Variants in CNNM4 observed in about 807,000 individuals in gnomAD.
The protein encoded by CNNM4 is metal transporter CNNM4.
A neutral mutation model predicts 53.7 loss-of-function variants in CNNM4; 32 were observed. The ratio of observed to expected loss-of-function variants is 0.60; its 90% CI spans 0.45 to 0.80. The LOEUF (loss-of-function observed/expected upper bound fraction) is 0.80, where lower values mean the gene tolerates loss of function less well. CNNM4 is among the 30% of genes least tolerant of loss of function. The pLI is 0.00. For missense variants in CNNM4, 784 were observed against 1,022.0 expected, an observed-to-expected ratio of 0.77 and a Z score of 3.17; for synonymous variants, 410 against 440.0, an observed-to-expected ratio of 0.93 and a Z score of 0.85.
At chr2:96,790,003 A>ATTTT (rs1014369887) in intron 1 of CNNM4, among the ~76,000 whole-genome samples, 2 of 61,722 alleles carry the variant, frequency 3.2e-5, no homozygotes, top group Non-Finnish European at 6.0e-5. Flanking sequence ...CCGGGCTAGA[A>ATTTT]TTTTTTTTTT....
At position 96,766,144 on chromosome 2, in the gene CNNM4, G is replaced by A. The variant is rs368637610; in HGVS notation, c.1402+3743G>A. 4.1e-3 allele frequency among the ~76,000 whole-genome samples: 584 copies of A among 140,736 alleles called. 5 individuals carry two copies. Among genetic ancestry groups the A allele is most frequent in the African/African-American group, 0.015 (556 of 37,552 alleles). The allele number at this position is 140,736 out of a possible 152,430, so 92.3% of individuals were successfully genotyped here. A position where few individuals can be genotyped will look rare whatever the true frequency, so the allele number is the denominator to read the frequency against. ...CAGAGTTTCACTCTGGCATGATCTC[G>A]GCTCACTGCAACCTCCACCTCCCAG... On this transcript the variant is annotated intron_variant, in intron 1 of 6. Coordinates refer to ENST00000377075, the MANE Select transcript of CNNM4 (RefSeq NM_020184.4).
rs2079150519 is a variant in CNNM4, at chr2:96,800,671, C to T, written c.1948+1023C>T. Among the ~76,000 whole-genome samples, 1 of 152,236 alleles carries T rather than the reference C, an allele frequency of 6.6e-6. No homozygotes were observed. Among genetic ancestry groups the T allele is most frequent in the Non-Finnish European group, 1.5e-5 (1 of 68,030 alleles). The stretch of plus-strand genomic sequence containing the variant: ...CAGGCCTGGGGATGACTTCCTGTGC[C>T]TCCAAGAGCAGCTGTTCTCTGTTCA... On this transcript the variant is annotated intron_variant, in intron 5 of 6. Coordinates refer to ENST00000377075, the MANE Select transcript of CNNM4 (RefSeq NM_020184.4). This position sits in a 1 kb window ranked among gnomAD's most constrained non-coding sequence, Gnocchi z 4.6.
rs527703561 is a variant in CNNM4 at position 96,797,847 on chromosome 2, G to A, written c.1681+200G>A. Among the ~76,000 whole-genome samples, 5 of 152,274 alleles carry A rather than the reference G, an allele frequency of 3.3e-5. No individual in the cohort carries two copies. The highest frequency in any genetic ancestry group is 3.9e-4 in the East Asian group (2 of 5,190). On this transcript the variant is annotated intron_variant, in intron 3 of 6. Coordinates refer to ENST00000377075, the MANE Select transcript of CNNM4 (RefSeq NM_020184.4). The surrounding 1 kb of genome is among the most constrained non-coding windows in gnomAD (Gnocchi z 6.0). The stretch of plus-strand genomic sequence containing the variant: ...TGCGATTCATTTGCCATTAATGGGC[G>A]GCTACTGCAAACTTCTAGGAAGCAT...
chr2:96,765,148 C>T (rs1219645165), intron 1 of CNNM4, among the ~76,000 whole-genome samples: 2 of 135,866 alleles, frequency 1.5e-5, no homozygotes, highest in Non-Finnish European at 3.1e-5. Flanking sequence ...TTTTTTGAGA[C>T]GGAGTTTTGC....
rs552814825 is a variant in CNNM4 at position 96,761,547 on chromosome 2, G to C, written c.548G>C (p.Trp183Ser). ...VEEPGRFLPL[W>S]LHILLITVLL... ...GAGCCTGGGAGGTTCCTGCCTCTCT[G>C]GCTGCACATTCTCCTAATTACGGTG... The change falls in exon 1 of 7, where the codon TGG becomes TCG. Residue 183 changes from tryptophan to serine, a missense_variant. Around this residue, in one of 3 missense-constraint regions of CNNM4, gnomAD observed 473 missense variants for 624.6 expected, o/e 0.76. Coordinates refer to ENST00000377075, the MANE Select transcript of CNNM4 (RefSeq NM_020184.4). The surrounding 1 kb of genome is among the most constrained non-coding windows in gnomAD (Gnocchi z 6.0). 6.2e-7 allele frequency: 1 copy of C among 1,614,070 alleles called. No individual in the cohort carries two copies. The highest frequency in any genetic ancestry group is 1.3e-5 in the African/African-American group (1 of 75,042).
At chr2:96,802,607 G>T (rs1369349660) in intron 5 of CNNM4, among the ~76,000 whole-genome samples, 1 of 152,238 alleles carries the variant, frequency 6.6e-6, no homozygotes, top group East Asian at 1.9e-4. Flanking sequence ...TCTGTGAAAT[G>T]GGAACAATGC....
At chr2:96,783,456 T>A (rs1452804524) in intron 1 of CNNM4, among the ~76,000 whole-genome samples, 1 of 152,186 alleles carries the variant, frequency 6.6e-6, no homozygotes, top group African/African-American at 2.4e-5. Flanking sequence ...AGCGTCTGGG[T>A]GGGACACAGT....
intron 1 of CNNM4, among the ~76,000 whole-genome samples, chr2:96,790,534 A>C (rs2079053030): frequency 6.7e-6 from 1 of 149,858 alleles, no homozygotes; most frequent in Non-Finnish European, 1.5e-5. Flanking sequence ...TTGTATTTTT[A>C]GTAGAGATGG....
At chr2:96,770,253 C>T (rs1228112781) in intron 1 of CNNM4, among the ~76,000 whole-genome samples, 5 of 152,188 alleles carry the variant, frequency 3.3e-5, no homozygotes, top group East Asian at 1.9e-4. Context: ...TCAAAGGTCT[C>T]GTATTTTTAA....
chr2:96,791,787 A>G (rs2079064434), intron 1 of CNNM4, among the ~76,000 whole-genome samples: 1 of 152,024 alleles, frequency 6.6e-6, no homozygotes, highest in South Asian at 2.1e-4. Flanking sequence ...GGCTTAATCT[A>G]CATATGGGGG....
At chr2:96,785,956 G>A (rs749977027) in intron 1 of CNNM4, among the ~76,000 whole-genome samples, 5 of 151,390 alleles carry the variant, frequency 3.3e-5, no homozygotes, top group African/African-American at 4.9e-5. Flanking sequence ...GCATGGTGGC[G>A]GGCGCCTATA....
chr2:96,774,845 C>T (rs912335251), intron 1 of CNNM4, among the ~76,000 whole-genome samples: 11 of 151,546 alleles, frequency 7.3e-5, no homozygotes, highest in African/African-American at 2.4e-4. Flanking sequence ...CCTGTACTCC[C>T]AGCTACTTGG....
At chr2:96,781,053 ACTGCAAGCTCCGCCTCC>A (rs2078971394) in intron 1 of CNNM4, among the ~76,000 whole-genome samples, 1 of 114,568 alleles carries the variant, frequency 8.7e-6, no homozygotes, top group Non-Finnish European at 1.7e-5. Context: ...ATCTCGGCTC[ACTGCAAGCTCCGCCTCC>A]CGGGTTCACG....
At position 96,809,743 on chromosome 2, in the gene CNNM4, C is replaced by T. The variant is rs560492957; in HGVS notation, c.*226C>T. On this transcript the variant is annotated 3_prime_UTR_variant, in exon 7 of 7. Transcript: ENST00000377075. Reference sequence around the variant, plus strand: ...ATAGGGGGGGCAGTGGGCCAGCTACCGTAAGCAAAGGCTGTTTTTTACTGA... The same window carrying T: ...ATAGGGGGGGCAGTGGGCCAGCTACTGTAAGCAAAGGCTGTTTTTTACTGA... The T allele has an allele frequency of 7.8e-5, 37 of 476,154 alleles. No homozygotes were observed. The highest frequency in any genetic ancestry group is 4.6e-4 in the African/African-American group (24 of 51,888). 29.5% of individuals were successfully genotyped at this position (476,154 alleles called of 1,614,324 possible).
At chr2:96,787,039 G>A (rs997401097) in intron 1 of CNNM4, among the ~76,000 whole-genome samples, 10 of 152,120 alleles carry the variant, frequency 6.6e-5, no homozygotes, top group South Asian at 2.1e-4. Flanking sequence ...GTGAATCACC[G>A]TCTCTTGAGA....
intron 5 of CNNM4, among the ~76,000 whole-genome samples, chr2:96,807,327 G>A (rs1265671989): frequency 6.6e-6 from 1 of 152,116 alleles, no homozygotes; most frequent in Admixed American, 6.6e-5. Flanking sequence ...TTTAAGAGGT[G>A]ACAGGGCTGG....
Position 96,761,329 on chromosome 2 carries a change from G to T in CNNM4, c.330G>T (p.Glu110Asp). The change falls in exon 1 of 7, where the codon GAG becomes GAT. Residue 110 changes from glutamate to aspartate, a missense_variant. Around this residue, in one of 3 missense-constraint regions of CNNM4, gnomAD observed 473 missense variants for 624.6 expected, o/e 0.76. Coordinates refer to ENST00000377075, the MANE Select transcript of CNNM4 (RefSeq NM_020184.4). This position sits in a 1 kb window ranked among gnomAD's most constrained non-coding sequence, Gnocchi z 6.0. ...TCCACAAGTCCACCAGCTGCCTCGAGCTCACCAAGGACCTGGTCGTCCAGC... is the reference window on the plus strand; with the variant it reads ...TCCACAAGTCCACCAGCTGCCTCGATCTCACCAAGGACCTGGTCGTCCAGC... ...ETLHKSTSCL[E>D]LTKDLVVQQL... 1.2e-6 allele frequency: 2 copies of T among 1,614,054 alleles called. No individual in the cohort carries two copies. Among genetic ancestry groups the T allele is most frequent in the Non-Finnish European group, 1.7e-6 (2 of 1,180,028 alleles).
At chr2:96,782,159 G>A (rs183377423) in intron 1 of CNNM4, among the ~76,000 whole-genome samples, 19 of 152,092 alleles carry the variant, frequency 1.2e-4, no homozygotes, top group East Asian at 1.2e-3. Context: ...TTTTGGCATC[G>A]GCCAGGCGTG....
intron 1 of CNNM4, among the ~76,000 whole-genome samples, chr2:96,779,630 G>A (rs1414975643): frequency 6.6e-6 from 1 of 151,608 alleles, no homozygotes; most frequent in Non-Finnish European, 1.5e-5. Context: ...TAATTGATCT[G>A]TTTCTTTTTC....
Sources: gnomAD v4.1 joint callset for allele counts (sites outside exome capture counted in the v4.1 genomes callset) on GRCh38, gnomAD v4.1.1 for gene constraint, gnomAD v4.1.1 regional missense constraint, Gnocchi (gnomAD v3.1) non-coding constraint, MANE v1.5 for transcripts, NCBI Gene and HGNC (gene_info 2026-07-23, HGNC 2026-07-21) for gene names.